The following ARHGAP10 variants were observed in gnomAD, a reference collection of about 807,000 sequenced individuals.
The protein encoded by ARHGAP10 is Rho GTPase activating protein 10, also known as rho GTPase-activating protein 10.
A neutral mutation model predicts 108.6 loss-of-function variants in ARHGAP10; 87 were observed. The ratio of observed to expected loss-of-function variants is 0.80; its 90% CI spans 0.67 to 0.96. The LOEUF is 0.96. Ranked by LOEUF, ARHGAP10 falls within the 40% of genes least tolerant of loss-of-function variation. The pLI, the probability that ARHGAP10 is intolerant of heterozygous loss-of-function variation, is 0.00. For missense variants in ARHGAP10, 939 were observed against 954.5 expected (o/e 0.98, Z 0.21); for synonymous variants, 347 against 341.1 (o/e 1.02, Z -0.19).
chr4:147,875,964 C>G (rs759936025), intron 8 of ARHGAP10, among the ~76,000 whole-genome samples: 2 of 152,128 alleles, frequency 1.3e-5, no homozygotes, highest in Non-Finnish European at 2.9e-5. Flanking sequence ...TTACTATTTC[C>G]CTCCCTCTCC....
At chr4:147,927,756 C>G (rs142932760) in intron 13 of ARHGAP10, among the ~76,000 whole-genome samples, 52 of 152,242 alleles carry the variant, frequency 3.4e-4, no homozygotes, top group African/African-American at 1.2e-3. Context: ...GAGCTTGATC[C>G]TAAGGGAAGG....
At chr4:147,903,238 T>C (rs1412245111) in intron 10 of ARHGAP10, among the ~76,000 whole-genome samples, 2 of 152,182 alleles carry the variant, frequency 1.3e-5, no homozygotes. Flanking sequence ...GAGTGTGCTT[T>C]TGGTCTTCTA....
intron 1 of ARHGAP10, among the ~76,000 whole-genome samples, chr4:147,817,116 A>G (rs189474255): frequency 6.2e-4 from 94 of 152,328 alleles, no homozygotes; most frequent in Middle Eastern, 3.4e-3. Flanking sequence ...TTCAGATTTA[A>G]TGAGTGACAA....
At chr4:147,894,433 G>A (rs1241516320) in intron 10 of ARHGAP10, among the ~76,000 whole-genome samples, 1 of 152,032 alleles carries the variant, frequency 6.6e-6, no homozygotes, top group Non-Finnish European at 1.5e-5. Flanking sequence ...CTCAATTGTA[G>A]GAATTATTTA....
At chr4:147,988,445 A>G (rs1023351387) in intron 18 of ARHGAP10, among the ~76,000 whole-genome samples, 6 of 152,128 alleles carry the variant, frequency 3.9e-5, no homozygotes, top group African/African-American at 1.4e-4. Flanking sequence ...TCCTTTGGTC[A>G]GGTAGCATTT....
chr4:147,906,813 T>C, intron 11 of ARHGAP10, 94 bp downstream of exon 11: 1 of 1,488,712 alleles, frequency 6.7e-7, no homozygotes, highest in East Asian at 2.3e-5. Context: ...TTGAGAAAAG[T>C]TCCCTTCTAT....
chr4:147,768,925 A>C (rs987554368), intron 1 of ARHGAP10, among the ~76,000 whole-genome samples: 42 of 152,130 alleles, frequency 2.8e-4, no homozygotes, highest in African/African-American at 9.9e-4. Context: ...TTTAGTGGAG[A>C]CAGGGTTTCA....
intron 13 of ARHGAP10, among the ~76,000 whole-genome samples, chr4:147,934,562 G>A (rs924252452): frequency 6.6e-5 from 10 of 152,346 alleles, no homozygotes; most frequent in African/African-American, 2.4e-4. Flanking sequence ...CCTGGTGGGT[G>A]CAGTGGCTCT....
chr4:148,022,620 G>C (rs888661879), intron 18 of ARHGAP10, among the ~76,000 whole-genome samples: 1 of 152,108 alleles, frequency 6.6e-6, no homozygotes, highest in African/African-American at 2.4e-5. Flanking sequence ...AATTAATGTT[G>C]TTATTACTGA....
chr4:147,773,983 G>T (rs1375055478), intron 1 of ARHGAP10, among the ~76,000 whole-genome samples: 1 of 152,144 alleles, frequency 6.6e-6, no homozygotes, highest in East Asian at 1.9e-4. Flanking sequence ...TGATTGCCTG[G>T]GTGAGTCATT....
At chr4:147,820,873 G>A (rs1560775559) in intron 1 of ARHGAP10, among the ~76,000 whole-genome samples, 1 of 152,064 alleles carries the variant, frequency 6.6e-6, no homozygotes, top group Non-Finnish European at 1.5e-5. Flanking sequence ...TGACAGGCGT[G>A]AACCACCACA....
chr4:147,889,922 G>A (rs189518876), intron 10 of ARHGAP10, among the ~76,000 whole-genome samples: 3 of 152,248 alleles, frequency 2.0e-5, no homozygotes, highest in Admixed American at 1.3e-4. Flanking sequence ...TTTTTCTCTT[G>A]TTTGGGAAGC....
At chr4:147,813,152 T>A (rs531148829) in intron 1 of ARHGAP10, among the ~76,000 whole-genome samples, 13 of 152,012 alleles carry the variant, frequency 8.6e-5, no homozygotes, top group East Asian at 5.8e-4. Context: ...TTTTTTTTTT[T>A]AAATAAAAGA....
Position 147,784,748 on chromosome 4 carries a change from T to TA in ARHGAP10, c.155-37978dup, listed in dbSNP as rs768181935. 1.2e-4 allele frequency among the ~76,000 whole-genome samples: 3 copies of TA among 24,970 alleles called. 1 individual carries two copies. The highest frequency in any genetic ancestry group is 3.6e-4 in the Non-Finnish European group (3 of 8,344). 16.4% of individuals were successfully genotyped at this position (24,970 alleles called of 152,430 possible). A position where few individuals can be genotyped will look rare whatever the true frequency, so the allele number is the denominator to read the frequency against. ...TATTATAAAATATATATTATAAATA[T>TA]ATATTATAAAATGTATATTATAAAT... On this transcript the variant is annotated intron_variant, in intron 1 of 22. Coordinates refer to ENST00000336498, the MANE Select transcript of ARHGAP10 (RefSeq NM_024605.4).
At chr4:147,844,244 A>G (rs1733541589) in intron 3 of ARHGAP10, among the ~76,000 whole-genome samples, 1 of 152,242 alleles carries the variant, frequency 6.6e-6, no homozygotes, top group South Asian at 2.1e-4. Flanking sequence ...ATGGGGTTAT[A>G]TTAGATATTT....
chr4:147,823,768 A>C (rs1467266449), intron 3 of ARHGAP10, among the ~76,000 whole-genome samples: 1 of 152,158 alleles, frequency 6.6e-6, no homozygotes, highest in Non-Finnish European at 1.5e-5. Flanking sequence ...AAAAAAAAGA[A>C]AAAACAAAAC....
intron 1 of ARHGAP10, among the ~76,000 whole-genome samples, chr4:147,807,328 AAAAG>A (rs1359921424): frequency 6.6e-6 from 1 of 152,216 alleles, no homozygotes; most frequent in African/African-American, 2.4e-5. Context: ...AAAGCTCTAA[AAAAG>A]AAAAAATATA....
chr4:147,855,733 T>C (rs976722165), intron 4 of ARHGAP10, among the ~76,000 whole-genome samples: 1 of 151,040 alleles, frequency 6.6e-6, no homozygotes, highest in Non-Finnish European at 1.5e-5. Flanking sequence ...GTAATTAACC[T>C]TGGAGTAGAA....
At chr4:147,827,416 A>G (rs1262203622) in intron 3 of ARHGAP10, among the ~76,000 whole-genome samples, 5 of 152,216 alleles carry the variant, frequency 3.3e-5, no homozygotes, top group Admixed American at 1.3e-4. Context: ...AACAATATAC[A>G]AAGTGCGCCA....
Sources: gnomAD v4.1 joint callset for allele counts (sites outside exome capture counted in the v4.1 genomes callset) on GRCh38, gnomAD v4.1.1 for gene constraint, MANE v1.5 for transcripts, NCBI Gene and HGNC (gene_info 2026-07-23, HGNC 2026-07-21) for gene names.